The following MYT1L variants were observed in gnomAD, a reference collection of about 807,000 sequenced individuals.
The protein encoded by MYT1L is myelin transcription factor 1 like, also known as myelin transcription factor 1-like protein.
MYT1L carries 12 observed loss-of-function variants against 126.7 expected under a neutral mutation model. That is an observed-to-expected ratio of 0.09 (90% confidence interval 0.06 to 0.15). MYT1L has a LOEUF of 0.15. Ranked by LOEUF, MYT1L falls within the 10% of genes least tolerant of loss-of-function variation. The pLI is 1.00. For missense variants in MYT1L, 979 were observed against 1,585.2 expected, an observed-to-expected ratio of 0.62 and a Z score of 6.49; for synonymous variants, 541 against 604.2, an observed-to-expected ratio of 0.90 and a Z score of 1.53.
chr2:2,183,185 A>T lies in MYT1L; in HGVS notation c.-420-10197T>A, dbSNP rs143346891. ...GGGAGCCTGAATTGTATCCCTCAGGACCCAGCGAACCTCCTGGCCTCCCCT... is the reference window on the plus strand; with the variant it reads ...GGGAGCCTGAATTGTATCCCTCAGGTCCCAGCGAACCTCCTGGCCTCCCCT... On this transcript the variant is annotated intron_variant, in intron 2 of 24. Transcript: ENST00000647738. Among the ~76,000 whole-genome samples, 410 of 152,146 alleles carry T rather than the reference A, an allele frequency of 2.7e-3. 3 individuals are homozygous for T. The highest frequency in any genetic ancestry group is 5.0e-3 in the Non-Finnish European group (338 of 67,996).
At chr2:2,069,642 A>C (rs2074344597) in intron 3 of MYT1L, among the ~76,000 whole-genome samples, 1 of 152,040 alleles carries the variant, frequency 6.6e-6, no homozygotes, top group Admixed American at 6.5e-5. Context: ...TTGAGGAATC[A>C]CCACACTGTC....
chr2:1,904,699 A>G (rs968092549), intron 13 of MYT1L, among the ~76,000 whole-genome samples: 4 of 149,798 alleles, frequency 2.7e-5, no homozygotes, highest in African/African-American at 9.9e-5. Context: ...GTAACATCCT[A>G]CAGTCTCATC....
At chr2:1,859,788 G>T (rs946474001) in intron 18 of MYT1L, among the ~76,000 whole-genome samples, 5 of 152,244 alleles carry the variant, frequency 3.3e-5, no homozygotes, top group African/African-American at 7.2e-5. Context: ...CCCTGGCCCT[G>T]GTGCCCTGAT....
chr2:2,143,809 C>T (rs1054629380), intron 3 of MYT1L, among the ~76,000 whole-genome samples: 2 of 152,132 alleles, frequency 1.3e-5, no homozygotes, highest in African/African-American at 4.8e-5. Flanking sequence ...GTGTCCTTTG[C>T]AGCAACATGG....
rs1376658533 is a variant in MYT1L, at chr2:2,059,549, C to A, written c.-303-5426G>T. Among the ~76,000 whole-genome samples the A allele has an allele frequency of 6.6e-6, 1 of 152,196 alleles. No homozygotes were observed. The highest frequency in any genetic ancestry group is 1.9e-4 in the East Asian group (1 of 5,186). On this transcript the variant is annotated intron_variant, in intron 3 of 24. Coordinates refer to ENST00000647738, the MANE Select transcript of MYT1L (RefSeq NM_001303052.2). This position sits in a 1 kb window ranked among gnomAD's most constrained non-coding sequence, Gnocchi z 4.7. ...GTGGACATGCATGCAGTGAGTTCTC[C>A]ACACAGTCCCTGCCAAAGGCCTTGC...
chr2:1,970,321 C>CG (rs572984717), intron 8 of MYT1L, among the ~76,000 whole-genome samples: 167 of 152,302 alleles, frequency 1.1e-3, no homozygotes, highest in African/African-American at 3.8e-3. Context: ...CTGGCTACTC[C>CG]AGAAGTATTT....
intron 2 of MYT1L, among the ~76,000 whole-genome samples, chr2:2,269,121 A>G (rs2095206662): frequency 6.6e-6 from 1 of 152,222 alleles, no homozygotes; most frequent in African/African-American, 2.4e-5. Context: ...TCCCAAGGCC[A>G]TCTATCGCTC....
rs988856927 is a variant in MYT1L at position 2,270,189 on chromosome 2, C to T, written c.-421+14215G>A. On this transcript the variant is annotated intron_variant, in intron 2 of 24. Transcript: ENST00000647738. ...CTGCAACCCAGGGAGGGAGCCCTCG[C>T]CACACACCAGATGTGCAGGCACCTT... Among the ~76,000 whole-genome samples the T allele has an allele frequency of 7.2e-5, 11 of 152,308 alleles. No individual in the cohort carries two copies. In the East Asian group the frequency reaches 2.1e-3, roughly 29 times the overall value.
chr2:2,224,975 G>A lies in MYT1L; in HGVS notation c.-420-51987C>T, dbSNP rs192541519. 1.1e-4 allele frequency among the ~76,000 whole-genome samples: 17 copies of A among 152,108 alleles called. No homozygotes were observed. Among genetic ancestry groups the A allele is most frequent in the East Asian group, 3.9e-4 (2 of 5,118 alleles). ...ACGCTGGGTTTGAGGTTCTGTCACC[G>A]TCTTGGAAACTTTAATATGCTTGAA... is the stretch of plus-strand genomic sequence containing the variant. On this transcript the variant is annotated intron_variant, in intron 2 of 24. Coordinates refer to ENST00000647738, the MANE Select transcript of MYT1L (RefSeq NM_001303052.2). This position sits in a 1 kb window ranked among gnomAD's most constrained non-coding sequence, Gnocchi z 4.0.
intron 2 of MYT1L, among the ~76,000 whole-genome samples, chr2:2,186,069 G>T (rs1296774370): frequency 7.5e-6 from 1 of 133,694 alleles, no homozygotes. Flanking sequence ...AGACGCCCGC[G>T]TTCCTTCCGT....
chr2:1,988,466 CCTT>C (rs1466014200), intron 5 of MYT1L, among the ~76,000 whole-genome samples: 7 of 152,234 alleles, frequency 4.6e-5, no homozygotes, highest in Non-Finnish European at 8.8e-5. Context: ...TCGAACTCCT[CCTT>C]GTCAGTGGCA....
chr2:1,923,946 CTCTG>C (rs1000499348), intron 9 of MYT1L, among the ~76,000 whole-genome samples: 1 of 152,180 alleles, frequency 6.6e-6, no homozygotes, highest in Non-Finnish European at 1.5e-5. Flanking sequence ...AATCTGATTC[CTCTG>C]TCTGTGTCTC....
chr2:1,884,222 T>C (rs997825433), intron 18 of MYT1L: 76 of 152,368 alleles, frequency 5.0e-4, no homozygotes, highest in Admixed American at 5.0e-3. Flanking sequence ...CTTTCTACTA[T>C]GTGTTTATGA....
chr2:2,000,531 G>A (rs1251545697), intron 4 of MYT1L, among the ~76,000 whole-genome samples: 5 of 152,196 alleles, frequency 3.3e-5, no homozygotes, highest in Non-Finnish European at 7.3e-5. Flanking sequence ...GGCAGGTCCT[G>A]TCTCAGAGGG....
In MYT1L at chr2:2,124,227, C is replaced by T. The variant is rs1051303389; in HGVS notation, c.-304+48645G>A. On this transcript the variant is annotated intron_variant, in intron 3 of 24. Transcript: ENST00000647738. ...ACATGTGGATATGATGTGTGTCTTA[C>T]ACACAATTTGAAAATACAACCACAT... Among the ~76,000 whole-genome samples, 3 of 152,324 alleles carry T rather than the reference C, an allele frequency of 2.0e-5. No individual in the cohort carries two copies. The South Asian group carries it at 6.2e-4, about 32-fold the overall frequency.
At chr2:2,188,179 A>G (rs1166391445) in intron 2 of MYT1L, among the ~76,000 whole-genome samples, 6 of 152,194 alleles carry the variant, frequency 3.9e-5, no homozygotes, top group Non-Finnish European at 8.8e-5. Flanking sequence ...CAAAACACCT[A>G]TATTTGTGTA....
At chr2:2,039,107 G>A (rs1046647235) in intron 4 of MYT1L, among the ~76,000 whole-genome samples, 2 of 152,174 alleles carry the variant, frequency 1.3e-5, no homozygotes, top group Non-Finnish European at 2.9e-5. Flanking sequence ...AGCACCGGGG[G>A]AATGAACAGA....
At chr2:2,055,548 C>T (rs1004255835) in intron 3 of MYT1L, among the ~76,000 whole-genome samples, 1 of 152,076 alleles carries the variant, frequency 6.6e-6, no homozygotes, top group African/African-American at 2.4e-5. Context: ...ACTAAATTGA[C>T]TAAGAAAGGT....
At chr2:2,081,843 G>A (rs1047123807) in intron 3 of MYT1L, among the ~76,000 whole-genome samples, 1 of 152,060 alleles carries the variant, frequency 6.6e-6, no homozygotes, top group East Asian at 1.9e-4. Flanking sequence ...GGGTTCAAGC[G>A]ATTCTCCTGC....
Sources: allele counts gnomAD v4.1 joint callset (sites outside exome capture counted in the v4.1 genomes callset), GRCh38; gene constraint gnomAD v4.1.1; non-coding constraint Gnocchi (gnomAD v3.1); transcripts MANE v1.5; gene names NCBI Gene and HGNC (gene_info 2026-07-23, HGNC 2026-07-21).